FLNB: variants seen among roughly 807,000 people sequenced by gnomAD.
FLNB encodes filamin-B.
Under a neutral mutation model 250.6 loss-of-function variants are expected in FLNB, and 111 were observed. That is an observed-to-expected ratio of 0.44 (90% CI 0.38 to 0.52). FLNB has a LOEUF of 0.52. Ranked by LOEUF, FLNB falls within the 20% of genes least tolerant of loss-of-function variation. The pLI is 0.00. For missense variants in FLNB, 2,869 were observed against 3,447.8 expected (o/e 0.83, Z 4.20); for synonymous variants, 1,302 against 1,372.1 (o/e 0.95, Z 1.13).
intron 4 of FLNB, among the ~76,000 whole-genome samples, chr3:58,085,003 G>A (rs1408682107): frequency 6.6e-6 from 1 of 152,180 alleles, no homozygotes; most frequent in Non-Finnish European, 1.5e-5. Context: ...GCATGTGTTA[G>A]AATTTCATTC....
chr3:58,105,299 C>T, intron 11 of FLNB, 83 bp downstream of exon 11: 1 of 1,558,394 alleles, frequency 6.4e-7, no homozygotes, highest in Non-Finnish European at 8.8e-7. Context: ...GATGTTGGGG[C>T]CTTGCCTAGC....
intron 12 of FLNB, among the ~76,000 whole-genome samples, chr3:58,107,428 A>G (rs1028941752): frequency 6.6e-6 from 1 of 152,150 alleles, no homozygotes; most frequent in Non-Finnish European, 1.5e-5. Context: ...CCTCTATAAG[A>G]CAGGAATGAT....
chr3:58,098,007 C>A (rs2097242126), intron 7 of FLNB, 30 bp downstream of exon 7: 3 of 1,611,910 alleles, frequency 1.9e-6, no homozygotes, highest in Non-Finnish European at 2.5e-6. Context: ...TGGATCTGAC[C>A]TTTGCGCTTT....
chr3:58,112,399 C>G, intron 18 of FLNB, 81 bp downstream of exon 18: 2 of 1,427,600 alleles, frequency 1.4e-6, no homozygotes, highest in South Asian at 2.3e-5. Flanking sequence ...ACTGTGGACA[C>G]CAAGGGGTGT....
intron 1 of FLNB, among the ~76,000 whole-genome samples, chr3:58,047,825 A>G (rs1177998346): frequency 6.6e-6 from 1 of 152,138 alleles, no homozygotes; most frequent in Non-Finnish European, 1.5e-5. Flanking sequence ...CAGCCTCCCA[A>G]AGTGCTAGGA....
At chr3:58,145,662 GC>G (rs1413329877) in intron 32 of FLNB, among the ~76,000 whole-genome samples, 1 of 152,164 alleles carries the variant, frequency 6.6e-6, no homozygotes, top group East Asian at 1.9e-4. Flanking sequence ...CCTTACCTTA[GC>G]CCCCTTCCTC....
intron 42 of FLNB, among the ~76,000 whole-genome samples, chr3:58,161,509 A>G (rs1159273358): frequency 6.6e-6 from 1 of 152,028 alleles, no homozygotes; most frequent in Non-Finnish European, 1.5e-5. Context: ...GGGGAAGCTA[A>G]CTCCACCCCA....
intron 1 of FLNB, among the ~76,000 whole-genome samples, chr3:58,055,387 C>G (rs1238065225): frequency 6.6e-6 from 1 of 152,070 alleles, no homozygotes; most frequent in East Asian, 1.9e-4. Context: ...TATTTATGGC[C>G]TAAGAGGATA....
rs140993979 is a variant in FLNB, at chr3:58,123,488, G to A, written c.3522G>A (p.Ser1174=). ...GALGLEAVSD[S]GTKAEVSIQN... ...TGGGCCTGGAAGCTGTCTCGGACTC[G>A]GGAACAAAAGCCGAAGTCAGTATTC... Residue 1174 remains serine, a synonymous_variant, in exon 21 of 46, where the codon TCG becomes TCA. Coordinates refer to ENST00000295956, the MANE Select transcript of FLNB (RefSeq NM_001457.4). The A allele has an allele frequency of 1.2e-3, 1,882 of 1,603,538 alleles. 1 individual carries two copies. The highest frequency in any genetic ancestry group is 1.5e-3 in the Non-Finnish European group (1,726 of 1,173,504).
chr3:58,008,449 G>A lies in FLNB; in HGVS notation c.-116G>A, dbSNP rs1161487700. Reference sequence around the variant, plus strand: ...AGCAGCACCGGCCGTGGCTCCGGTAGCAGCAAGTTCGAACCCCGCTCCCGC... The same window carrying A: ...AGCAGCACCGGCCGTGGCTCCGGTAACAGCAAGTTCGAACCCCGCTCCCGC... On this transcript the variant is annotated 5_prime_UTR_variant, in exon 1 of 46. Transcript: ENST00000295956. 1.6e-6 allele frequency: 2 copies of A among 1,256,724 alleles called. No individual in the cohort carries two copies. Among genetic ancestry groups the A allele is most frequent in the African/African-American group, 1.5e-5 (1 of 67,338 alleles). The allele number at this position is 1,256,724 out of a possible 1,614,324, so 77.8% of individuals were successfully genotyped here.
At chr3:58,050,264 G>A (rs946863516) in intron 1 of FLNB, among the ~76,000 whole-genome samples, 2 of 151,984 alleles carry the variant, frequency 1.3e-5, no homozygotes, top group Admixed American at 6.6e-5. Flanking sequence ...TCTTGACCTC[G>A]TTATCCACCC....
At chr3:58,090,971 G>T (rs772941202) in intron 4 of FLNB, among the ~76,000 whole-genome samples, 2 of 151,962 alleles carry the variant, frequency 1.3e-5, no homozygotes, top group African/African-American at 4.8e-5. Context: ...CCAGCTACTC[G>T]GGAGGCTGAG....
At chr3:58,121,556 C>A in intron 20 of FLNB, 53 bp downstream of exon 20, 1 of 1,602,266 alleles carries the variant, frequency 6.2e-7, no homozygotes, top group Non-Finnish European at 8.5e-7. Flanking sequence ...AAACATGACA[C>A]CATAGTCCTT....
Position 58,138,368 on chromosome 3 carries a change from T to C in FLNB, c.4948T>C (p.Cys1650Arg). The C allele has an allele frequency of 6.2e-7, 1 of 1,614,248 alleles. No individual in the cohort carries two copies. The highest frequency in any genetic ancestry group is 8.5e-7 in the Non-Finnish European group (1 of 1,180,042). The change falls in exon 29 of 46, where the codon TGC becomes CGC. Residue 1650 changes from cysteine (C) to arginine (R), a missense_variant. Physicochemically the swap from Cys to Arg is radical, Grantham distance 180. Transcript: ENST00000295956. ...GACTGCCGGGAAGGGTAAAGTGACC[T>C]GCACGGTTCTGACCCCAGATGGCAC... ...AKTAGKGKVTCTVLTPDGTEA... is the reference protein window; with the variant it reads ...AKTAGKGKVTRTVLTPDGTEA...
intron 1 of FLNB, among the ~76,000 whole-genome samples, chr3:58,026,426 C>T (rs1245640882): frequency 1.3e-5 from 2 of 152,146 alleles, no homozygotes; most frequent in African/African-American, 4.8e-5. Context: ...TGGTGGTAAA[C>T]CCCCGCACTA....
chr3:58,125,520 C>T (rs866191740), intron 22 of FLNB, 61 bp from the exon 23 acceptor site: 1 of 1,574,816 alleles, frequency 6.3e-7, no homozygotes, highest in African/African-American at 1.4e-5. Context: ...AGTAGAGAAT[C>T]ATTTTTCACA....
At chr3:58,134,573 T>C (rs770336869) in intron 26 of FLNB, 43 bp from the exon 27 acceptor site, 19 of 1,611,738 alleles carry the variant, frequency 1.2e-5, no homozygotes, top group Admixed American at 1.0e-4. Flanking sequence ...TGGGTTGACA[T>C]GTATCTTTAT....
At chr3:58,041,949 T>G (rs2097146679) in intron 1 of FLNB, among the ~76,000 whole-genome samples, 1 of 152,202 alleles carries the variant, frequency 6.6e-6, no homozygotes, top group African/African-American at 2.4e-5. Flanking sequence ...TGCTTTCTTT[T>G]TAGAGAGTTC....
chr3:58,029,571 C>T lies in FLNB; in HGVS notation c.292+20715C>T, dbSNP rs147789608. Reference sequence around the variant, plus strand: ...CCAGGCTGGAGTGCAATGGCTCGATCTCGGCTCACTGCAGTCTTCACCTCC... The same window carrying T: ...CCAGGCTGGAGTGCAATGGCTCGATTTCGGCTCACTGCAGTCTTCACCTCC... On this transcript the variant is annotated intron_variant, in intron 1 of 45. Transcript: ENST00000295956. 5.6e-3 allele frequency among the ~76,000 whole-genome samples: 850 copies of T among 150,750 alleles called. 8 individuals are homozygous for T. The highest frequency in any genetic ancestry group is 0.02 in the African/African-American group (803 of 40,910).
Sources: gnomAD v4.1 joint callset for allele counts (sites outside exome capture counted in the v4.1 genomes callset) on GRCh38, gnomAD v4.1.1 for gene constraint, MANE v1.5 for transcripts, NCBI Gene and HGNC (gene_info 2026-07-23, HGNC 2026-07-21) for gene names.